TMEM50A: variants seen among roughly 807,000 people sequenced by gnomAD.
The protein encoded by TMEM50A is cervical cancer oncogene 9.
Under a neutral mutation model 23.9 loss-of-function variants are expected in TMEM50A, and 8 were observed. The observed-to-expected ratio is 0.33, with a 90% CI of 0.20 to 0.60. The LOEUF (loss-of-function observed/expected upper bound fraction) is 0.60. Ranked by LOEUF, TMEM50A falls within the 20% of genes least tolerant of loss-of-function variation. The pLI, the probability that TMEM50A is intolerant of heterozygous loss-of-function variation, is 0.81. For synonymous variants in TMEM50A, 55 were observed against 60.4 expected (o/e 0.91, Z 0.41); for missense variants, 178 against 192.7 (o/e 0.92, Z 0.45).
chr1:25,350,585 T>C (rs796228737), intron 3 of TMEM50A, among the ~76,000 whole-genome samples: 12 of 152,000 alleles, frequency 7.9e-5, no homozygotes, highest in Admixed American at 2.0e-4. Context: ...ACGGGGTTTC[T>C]CTGTGTTGGT....
intron 3 of TMEM50A, among the ~76,000 whole-genome samples, chr1:25,344,723 GT>G (rs970951572): frequency 2.7e-5 from 4 of 147,160 alleles, no homozygotes; most frequent in East Asian, 2.0e-4. Flanking sequence ...TTTGTTTTTT[GT>G]TTTTTTTTGG....
chr1:25,353,065 T>C (rs1252412717), intron 5 of TMEM50A, 91 bp downstream of exon 5: 4 of 1,174,638 alleles, frequency 3.4e-6, no homozygotes, highest in Non-Finnish European at 4.8e-6. Flanking sequence ...TTTTTTCCTA[T>C]AGTTGGGCCA....
chr1:25,355,605 T>C (rs2124259927), intron 5 of TMEM50A, among the ~76,000 whole-genome samples: 1 of 152,330 alleles, frequency 6.6e-6, no homozygotes, highest in Admixed American at 6.5e-5. Flanking sequence ...GAAGCCATTC[T>C]AGTGGTAATG....
At chr1:25,349,795 A>G (rs1292202695) in intron 3 of TMEM50A, among the ~76,000 whole-genome samples, 4 of 152,244 alleles carry the variant, frequency 2.6e-5, no homozygotes, top group South Asian at 2.1e-4. Context: ...CGAAGCCCCT[A>G]GCCTTGTGCT....
chr1:25,340,553 A>G lies in TMEM50A; in HGVS notation c.67A>G (p.Ile23Val). 2 of 1,613,308 alleles carry G rather than the reference A, an allele frequency of 1.2e-6. No individual in the cohort carries two copies. Among genetic ancestry groups the G allele is most frequent in the Non-Finnish European group, 8.5e-7 (1 of 1,179,790 alleles). Residue 23 changes from isoleucine (I) to valine (V), a missense_variant, in exon 2 of 7, where the codon ATT becomes GTT. Transcript: ENST00000374358. ...TGACTGGGGGGAAAAGCGCAATACT[A>G]TTGCTTCCATTGCTGCTGGTGTACT... ...CIDWGEKRNT[I>V]ASIAAGVLFF...
intron 6 of TMEM50A, 49 bp downstream of exon 6, chr1:25,356,902 G>T (rs1487132916): frequency 2.2e-6 from 3 of 1,362,036 alleles, no homozygotes; most frequent in Non-Finnish European, 1.0e-6. Flanking sequence ...TTTTAAAATA[G>T]CTTCTTTTAT....
Position 25,360,921 on chromosome 1 carries a change from C to A in TMEM50A, c.*216C>A. ...TTAACTTATAAAATGTTAGAGGAAA[C>A]TTTCACATGAATAATTTTTGTCAAA... is the stretch of plus-strand genomic sequence containing the variant. On this transcript the variant is annotated 3_prime_UTR_variant, in exon 7 of 7. Coordinates refer to ENST00000374358, the MANE Select transcript of TMEM50A (RefSeq NM_014313.4). 2.5e-6 allele frequency: 1 copy of A among 400,088 alleles called. No individual in the cohort carries two copies. Among genetic ancestry groups the A allele is most frequent in the Non-Finnish European group, 4.4e-6 (1 of 224,922 alleles). 24.8% of individuals were successfully genotyped at this position (400,088 alleles called of 1,614,324 possible).
At chr1:25,357,250 G>A (rs149471818) in intron 6 of TMEM50A, among the ~76,000 whole-genome samples, 2 of 152,160 alleles carry the variant, frequency 1.3e-5, no homozygotes, top group South Asian at 2.1e-4. Context: ...CCTTGATATC[G>A]TAGAGTTTGT....
rs118020297 is a variant in TMEM50A, at chr1:25,339,173, C to T, written c.-14+717C>T. Among the ~76,000 whole-genome samples the T allele has an allele frequency of 9.5e-4, 145 of 152,298 alleles. 3 individuals carry two copies. In the East Asian group the frequency reaches 0.027, roughly 29 times the overall value. ...TGGCTACAAAGTATCTTAAGGAAGT[C>T]AAGTTCGCTGTAGGAGTTTGGGTGT... On this transcript the variant is annotated intron_variant, in intron 1 of 6. Transcript: ENST00000374358.
At chr1:25,351,206 G>C (rs1571803202) in intron 3 of TMEM50A, among the ~76,000 whole-genome samples, 1 of 151,236 alleles carries the variant, frequency 6.6e-6, no homozygotes, top group Admixed American at 6.6e-5. Context: ...GAAGAGACCA[G>C]TCATATGAAC....
chr1:25,360,208 G>A (rs1484680366), intron 6 of TMEM50A, among the ~76,000 whole-genome samples: 3 of 152,078 alleles, frequency 2.0e-5, no homozygotes, highest in Non-Finnish European at 2.9e-5. Flanking sequence ...AATTAGCCGG[G>A]TATGGTGGCG....
intron 4 of TMEM50A, 50 bp from the exon 5 acceptor site, chr1:25,352,832 T>C (rs906893084): frequency 2.0e-6 from 3 of 1,521,014 alleles, no homozygotes; most frequent in Non-Finnish European, 2.7e-6. Flanking sequence ...TGAAAGTTAA[T>C]TGTACTGCCC....
intron 2 of TMEM50A, among the ~76,000 whole-genome samples, chr1:25,341,256 TGTTTTTTTTG>T (rs1645164736): frequency 1.3e-5 from 2 of 151,848 alleles, no homozygotes; most frequent in Non-Finnish European, 2.9e-5. Flanking sequence ...TTGTTGTTTT[TGTTTTTTTTG>T]GTTTTTTTTG....
At chr1:25,356,986 G>A (rs1645340101) in intron 6 of TMEM50A, 133 bp downstream of exon 6, 1 of 631,770 alleles carries the variant, frequency 1.6e-6, no homozygotes, top group Non-Finnish European at 2.7e-6. Context: ...AAAACATGGA[G>A]AGTAAGGTTG....
At chr1:25,340,235 C>T (rs116773118) in intron 1 of TMEM50A, among the ~76,000 whole-genome samples, 1,692 of 152,172 alleles carry the variant, frequency 0.011, 35 homozygotes, top group African/African-American at 0.039. Flanking sequence ...CACGCCCGGC[C>T]CCCAAACCAT....
chr1:25,348,833 T>C (rs1489707804), intron 3 of TMEM50A, among the ~76,000 whole-genome samples: 1 of 152,210 alleles, frequency 6.6e-6, no homozygotes, highest in African/African-American at 2.4e-5. Flanking sequence ...AAAGTAATAT[T>C]TAACTCTTCT....
chr1:25,353,729 A>T (rs1645304234), intron 5 of TMEM50A, among the ~76,000 whole-genome samples: 1 of 152,186 alleles, frequency 6.6e-6, no homozygotes, highest in Admixed American at 6.5e-5. Flanking sequence ...GAGAAATTTC[A>T]CCTTGAGGGA....
intron 3 of TMEM50A, among the ~76,000 whole-genome samples, chr1:25,351,164 C>CAAA (rs1179135841): frequency 1.6e-5 from 1 of 61,188 alleles, no homozygotes; most frequent in Non-Finnish European, 4.0e-5. Flanking sequence ...GACTCCGTCT[C>CAAA]AAAAAAAAAA....
Position 25,360,699 on chromosome 1 carries a change from G to A in TMEM50A, c.468G>A (p.Trp156Ter), listed in dbSNP as rs1265330678. 3.1e-6 allele frequency: 5 copies of A among 1,613,908 alleles called. No homozygotes were observed. The East Asian group carries it at 1.1e-4, about 36-fold the overall frequency. Residue 156 changes from tryptophan (W) to a stop codon, truncating the protein, a stop_gained, in exon 7 of 7, where the codon TGG becomes TGA. Transcript: ENST00000374358. LOFTEE classifies it high-confidence loss of function. ...VFKFGRTEDL[W>*]Q ...AGTTTGGCCGCACTGAAGACTTATG[G>A]CAGTGAACACATCTGATTTCCCACA...
Sources: gnomAD v4.1 joint callset for allele counts (sites outside exome capture counted in the v4.1 genomes callset) on GRCh38, gnomAD v4.1.1 for gene constraint, MANE v1.5 for transcripts, NCBI Gene and HGNC (gene_info 2026-07-23, HGNC 2026-07-21) for gene names.